The following CCDC178 variants were observed in gnomAD, a reference collection of about 807,000 sequenced individuals.
The protein encoded by CCDC178 is coiled-coil domain containing 178, also known as coiled-coil domain-containing protein 178.
A neutral mutation model predicts 117.4 loss-of-function variants in CCDC178; 126 were observed. The ratio of observed to expected loss-of-function variants is 1.07; its 90% CI spans 0.93 to 1.24. The LOEUF is 1.24. CCDC178 is among the 50% of genes most tolerant of loss of function. The probability of loss-of-function intolerance (pLI) is 0.00; values close to 1 mark genes in which losing one functional copy is unlikely to be tolerated. For synonymous variants in CCDC178, 283 were observed against 313.4 expected, an observed-to-expected ratio of 0.90 and a Z score of 1.02; for missense variants, 1,030 against 986.9, an observed-to-expected ratio of 1.04 and a Z score of -0.59.
At chr18:33,145,889 A>G (rs1261683652) in intron 20 of CCDC178, among the ~76,000 whole-genome samples, 2 of 152,216 alleles carry the variant, frequency 1.3e-5, no homozygotes, top group Non-Finnish European at 2.9e-5. Context: ...AAATCAAAAG[A>G]TATAGTCTTA....
intron 14 of CCDC178, among the ~76,000 whole-genome samples, chr18:33,248,630 T>C (rs1183989439): frequency 1.3e-5 from 2 of 152,056 alleles, no homozygotes; most frequent in Admixed American, 1.3e-4. Context: ...TATTCCATGG[T>C]GTATATGTGT....
intron 20 of CCDC178, among the ~76,000 whole-genome samples, chr18:33,124,657 G>T (rs1289143056): frequency 6.6e-6 from 1 of 152,022 alleles, no homozygotes; most frequent in East Asian, 1.9e-4. Flanking sequence ...TTTGACAGTG[G>T]TGATTTACTG....
At chr18:33,230,194 C>T (rs1246575525) in intron 15 of CCDC178, among the ~76,000 whole-genome samples, 1 of 152,124 alleles carries the variant, frequency 6.6e-6, no homozygotes, top group Non-Finnish European at 1.5e-5. Flanking sequence ...GCATCACTTT[C>T]ACACCATGGT....
intron 11 of CCDC178, among the ~76,000 whole-genome samples, chr18:33,303,022 A>T (rs933659369): frequency 1.3e-5 from 2 of 152,214 alleles, no homozygotes; most frequent in Admixed American, 1.3e-4. Flanking sequence ...AATGTTCCCA[A>T]CATGAGAAAC....
intron 11 of CCDC178, among the ~76,000 whole-genome samples, chr18:33,308,111 C>G (rs2144938676): frequency 6.6e-6 from 1 of 152,320 alleles, no homozygotes; most frequent in African/African-American, 2.4e-5. Flanking sequence ...GATCCATCAA[C>G]AGCTTGCACT....
At chr18:33,230,712 A>C (rs2059359284) in intron 15 of CCDC178, among the ~76,000 whole-genome samples, 1 of 152,200 alleles carries the variant, frequency 6.6e-6, no homozygotes, top group Non-Finnish European at 1.5e-5. Flanking sequence ...GGATGATACA[A>C]CAAGGCCTTT....
intron 6 of CCDC178, among the ~76,000 whole-genome samples, chr18:33,366,262 C>G (rs2063204818): frequency 6.6e-6 from 1 of 151,952 alleles, no homozygotes; most frequent in South Asian, 2.1e-4. Flanking sequence ...GCCAGCAGTT[C>G]AAGACGAGCA....
At chr18:33,137,488 G>T (rs2058143661) in intron 20 of CCDC178, among the ~76,000 whole-genome samples, 1 of 152,150 alleles carries the variant, frequency 6.6e-6, no homozygotes, top group South Asian at 2.1e-4. Context: ...TCTTTGAAGA[G>T]AACCTAGTCT....
At chr18:33,331,152 T>C (rs2062663933) in intron 10 of CCDC178, among the ~76,000 whole-genome samples, 1 of 149,044 alleles carries the variant, frequency 6.7e-6, no homozygotes, top group Non-Finnish European at 1.5e-5. Flanking sequence ...AAGTTCACTA[T>C]CAGTGAAAAA....
At chr18:32,943,354 T>C (rs2054280163) in intron 22 of CCDC178, among the ~76,000 whole-genome samples, 1 of 152,190 alleles carries the variant, frequency 6.6e-6, no homozygotes, top group Non-Finnish European at 1.5e-5. Context: ...GAACAAATGA[T>C]CATGCTCCGT....
chr18:33,346,563 T>C (rs182425459), intron 8 of CCDC178, 152 bp from the exon 9 acceptor site: 10 of 388,948 alleles, frequency 2.6e-5, no homozygotes, highest in African/African-American at 1.9e-4. Flanking sequence ...AGTTTTATTA[T>C]AATACAAATA....
chr18:33,042,738 T>A (rs2056572259), intron 21 of CCDC178, among the ~76,000 whole-genome samples: 1 of 151,706 alleles, frequency 6.6e-6, no homozygotes, highest in Non-Finnish European at 1.5e-5. Flanking sequence ...CAACTTACTT[T>A]CAAATGGTTC....
intron 1 of CCDC178, among the ~76,000 whole-genome samples, chr18:33,440,291 CTGGGGG>C (rs2064362876): frequency 2.0e-4 from 3 of 14,968 alleles, no homozygotes; most frequent in East Asian, 5.4e-3. Context: ...GCAGTGGGGA[CTGGGGG>C]ACTGGGGGAC....
intron 15 of CCDC178, among the ~76,000 whole-genome samples, chr18:33,230,614 T>C (rs1047276834): frequency 6.6e-6 from 1 of 152,218 alleles, no homozygotes; most frequent in Admixed American, 6.5e-5. Context: ...TAAAAAGATG[T>C]TATTTTTTAA....
intron 6 of CCDC178, among the ~76,000 whole-genome samples, chr18:33,361,768 C>T (rs2063131080): frequency 6.6e-6 from 1 of 151,600 alleles, no homozygotes; most frequent in Admixed American, 6.6e-5. Flanking sequence ...TTCTCACACA[C>T]ATAAGGATGA....
intron 5 of CCDC178, among the ~76,000 whole-genome samples, chr18:33,370,458 A>G (rs796202126): frequency 2.0e-5 from 3 of 152,124 alleles, no homozygotes; most frequent in African/African-American, 7.2e-5. Flanking sequence ...TGAAAAACAT[A>G]GCATTGTGAA....
chr18:33,409,353 G>A (rs1426692029), intron 3 of CCDC178, among the ~76,000 whole-genome samples: 3 of 152,156 alleles, frequency 2.0e-5, no homozygotes, highest in African/African-American at 4.8e-5. Flanking sequence ...CTGAAGTGTT[G>A]GGATTACAGG....
intron 12 of CCDC178, among the ~76,000 whole-genome samples, chr18:33,272,017 A>G (rs973807607): frequency 5.3e-5 from 8 of 151,502 alleles, no homozygotes; most frequent in Admixed American, 1.3e-4. Flanking sequence ...AGAGCTAACT[A>G]AACCCAAAGC....
intron 22 of CCDC178, among the ~76,000 whole-genome samples, chr18:32,940,962 G>C (rs1278534712): frequency 6.6e-6 from 1 of 152,006 alleles, no homozygotes; most frequent in Non-Finnish European, 1.5e-5. Flanking sequence ...CTCCTCAGCA[G>C]TGTTGAAATA....
Sources: allele counts gnomAD v4.1 joint callset (sites outside exome capture counted in the v4.1 genomes callset), GRCh38; gene constraint gnomAD v4.1.1; transcripts MANE v1.5; gene names NCBI Gene and HGNC (gene_info 2026-07-23, HGNC 2026-07-21).